S100PBP: variants seen among roughly 807,000 people sequenced by gnomAD.
The protein encoded by S100PBP is S100P binding protein, also known as S100P-binding protein.
S100PBP carries 15 observed loss-of-function variants against 39.9 expected under a neutral mutation model. The observed-to-expected ratio is 0.38, with a 90% CI of 0.25 to 0.58. The LOEUF (loss-of-function observed/expected upper bound fraction) is 0.58. Among genes scored for constraint, S100PBP ranks in the 20% least tolerant of loss-of-function variants. S100PBP has a pLI of 0.70. For synonymous variants in S100PBP, 178 were observed against 180.3 expected (o/e 0.99, Z 0.10); for missense variants, 504 against 487.3 (o/e 1.03, Z -0.32).
chr1:32,827,518 C>G lies in S100PBP; in HGVS notation c.832-475C>G, dbSNP rs144492704. ...TTTTTTCTTGAGATAGAGTCTTACT[C>G]TGTCCCTCAGGCTGCAGTGCAGTGG... On this transcript the variant is annotated intron_variant, in intron 3 of 6. Coordinates refer to ENST00000373475, the MANE Select transcript of S100PBP (RefSeq NM_022753.4). 2.6e-5 allele frequency among the ~76,000 whole-genome samples: 4 copies of G among 152,214 alleles called. No individual in the cohort carries two copies. In the East Asian group the frequency reaches 5.8e-4, roughly 22 times the overall value.
chr1:32,856,561 G>T lies in S100PBP; in HGVS notation c.*523G>T, dbSNP rs1371050382. ...AATACCTGTCAGTATTTTAAAGTTG[G>T]CAATCCAGGACATTATAAGTAGGAT... On this transcript the variant is annotated 3_prime_UTR_variant, in exon 7 of 7. Transcript: ENST00000373475. 12 of 152,768 alleles carry T rather than the reference G, an allele frequency of 7.9e-5. No individual in the cohort carries two copies. Among genetic ancestry groups the T allele is most frequent in the Non-Finnish European group, 1.8e-4 (12 of 68,202 alleles). The allele number at this position is 152,768 out of a possible 1,614,324, so 9.5% of individuals were successfully genotyped here.
chr1:32,853,842 A>G (rs547658267), intron 6 of S100PBP, among the ~76,000 whole-genome samples: 1 of 152,262 alleles, frequency 6.6e-6, no homozygotes, highest in South Asian at 2.1e-4. Context: ...GTGATGAGCA[A>G]TGATTGTGCC....
At chr1:32,834,405 C>G (rs1377443972) in intron 5 of S100PBP, among the ~76,000 whole-genome samples, 1 of 152,150 alleles carries the variant, frequency 6.6e-6, no homozygotes, top group Non-Finnish European at 1.5e-5. Flanking sequence ...GTCCCACATT[C>G]TGAATTTTGT....
chr1:32,857,425 C>G lies in S100PBP; in HGVS notation c.*1387C>G, dbSNP rs943728775. On this transcript the variant is annotated 3_prime_UTR_variant, in exon 7 of 7. Coordinates refer to ENST00000373475, the MANE Select transcript of S100PBP (RefSeq NM_022753.4). ...TCCTGGGTTCAAGGGATTCTCCTGT[C>G]TTAGCCTCCTGAGTAGCTGTGATTA... 6.6e-6 allele frequency: 1 copy of G among 152,196 alleles called. No homozygotes were observed. The highest frequency in any genetic ancestry group is 2.4e-5 in the African/African-American group (1 of 41,434). 9.4% of individuals were successfully genotyped at this position (152,196 alleles called of 1,614,324 possible).
chr1:32,819,969 T>C (rs1167761328), intron 1 of S100PBP, among the ~76,000 whole-genome samples: 3 of 152,144 alleles, frequency 2.0e-5, no homozygotes, highest in Non-Finnish European at 2.9e-5. Context: ...TCAGTGAACA[T>C]TAATTTGCAT....
chr1:32,825,737 A>G (rs1371688929), intron 2 of S100PBP, among the ~76,000 whole-genome samples: 1 of 152,224 alleles, frequency 6.6e-6, no homozygotes, highest in Non-Finnish European at 1.5e-5. Flanking sequence ...ATGTATATAT[A>G]TATGAAGTTC....
At chr1:32,820,250 G>A (rs939461390) in intron 1 of S100PBP, among the ~76,000 whole-genome samples, 1 of 148,220 alleles carries the variant, frequency 6.7e-6, no homozygotes, top group Non-Finnish European at 1.5e-5. Context: ...GGGTTCCAGC[G>A]ATTCTCCTGC....
intron 6 of S100PBP, among the ~76,000 whole-genome samples, chr1:32,854,497 G>A (rs774519190): frequency 9.9e-5 from 15 of 152,096 alleles, no homozygotes; most frequent in Admixed American, 7.9e-4. Context: ...TAAATCCATG[G>A]ATGTAGAACC....
Position 32,829,567 on chromosome 1 carries a change from A to G in S100PBP, c.921-397A>G, listed in dbSNP as rs1179643437. ...AGCCTTGAACTCGTGGACTCAAGTC[A>G]TCCTCCCTCCTCAGCCTCCTGAGTA... On this transcript the variant is annotated intron_variant, in intron 4 of 6. Coordinates refer to ENST00000373475, the MANE Select transcript of S100PBP (RefSeq NM_022753.4). 2.0e-5 allele frequency among the ~76,000 whole-genome samples: 3 copies of G among 152,150 alleles called. No homozygotes were observed. In the East Asian group the frequency reaches 5.8e-4, roughly 29 times the overall value.
In S100PBP at chr1:32,844,255, T is replaced by C. The variant is rs551203212; in HGVS notation, c.1025-8824T>C. On this transcript the variant is annotated intron_variant, in intron 5 of 6. Coordinates refer to ENST00000373475, the MANE Select transcript of S100PBP (RefSeq NM_022753.4). ...TTAGCAGAGGTGGGGTTTTGCTATA[T>C]TGGCCAGGCTGGTCTCGAATTTCTG... Among the ~76,000 whole-genome samples, 3 of 152,222 alleles carry C rather than the reference T, an allele frequency of 2.0e-5. No individual in the cohort carries two copies. The East Asian group carries it at 5.8e-4, about 29-fold the overall frequency.
chr1:32,853,148 C>T lies in S100PBP; in HGVS notation c.1094C>T (p.Pro365Leu). Residue 365 changes from proline (P) to leucine (L), a missense_variant, in exon 6 of 7, where the codon CCT becomes CTT. Pro to Leu is a moderately conservative substitution (Grantham distance 98). Coordinates refer to ENST00000373475, the MANE Select transcript of S100PBP (RefSeq NM_022753.4). Reference protein sequence around the residue: ...HHMQHSKWQHPSDLTTRNYAR... With the variant: ...HHMQHSKWQHLSDLTTRNYAR... ...ATGCAGCACTCAAAATGGCAGCATC[C>T]TTCGGACCTCACCACGCGGTGAGTG... The T allele has an allele frequency of 6.2e-7, 1 of 1,611,780 alleles. No homozygotes were observed. The highest frequency in any genetic ancestry group is 8.5e-7 in the Non-Finnish European group (1 of 1,179,234).
At chr1:32,829,326 G>T (rs182608363) in intron 4 of S100PBP, among the ~76,000 whole-genome samples, 110 of 152,180 alleles carry the variant, frequency 7.2e-4, no homozygotes, top group African/African-American at 2.5e-3. Flanking sequence ...TAACTTTTCA[G>T]TTTCACTCTA....
At chr1:32,830,687 A>C (rs775355786) in intron 5 of S100PBP, among the ~76,000 whole-genome samples, 1 of 152,228 alleles carries the variant, frequency 6.6e-6, no homozygotes, top group Non-Finnish European at 1.5e-5. Context: ...GGGGAGACTT[A>C]CGGGAAGAAC....
chr1:32,833,234 A>G (rs1054464366), intron 5 of S100PBP, among the ~76,000 whole-genome samples: 6 of 152,310 alleles, frequency 3.9e-5, no homozygotes, highest in Admixed American at 2.6e-4. Context: ...TTGCTTAGAA[A>G]ATTTTAGTTG....
chr1:32,842,395 A>G (rs939572223), intron 5 of S100PBP, among the ~76,000 whole-genome samples: 1 of 151,602 alleles, frequency 6.6e-6, no homozygotes, highest in African/African-American at 2.4e-5. Flanking sequence ...ATTTGTCTCT[A>G]GAAAAATCAG....
intron 4 of S100PBP, among the ~76,000 whole-genome samples, chr1:32,829,109 T>C (rs1005471908): frequency 6.6e-6 from 1 of 152,250 alleles, no homozygotes; most frequent in Non-Finnish European, 1.5e-5. Flanking sequence ...GAGAGAAACC[T>C]TGTGAATTGC....
At position 32,833,465 on chromosome 1, in the gene S100PBP, G is replaced by A. The variant is rs1258847777; in HGVS notation, c.1024+3398G>A. On this transcript the variant is annotated intron_variant, in intron 5 of 6. Coordinates refer to ENST00000373475, the MANE Select transcript of S100PBP (RefSeq NM_022753.4). ...CAGCCTCTCCCTCCCGGGTTCAAGC[G>A]ATTCTCTTGCCTCAGCCTCCTGAGT... Among the ~76,000 whole-genome samples, 18 of 151,342 alleles carry A rather than the reference G, an allele frequency of 1.2e-4. No individual in the cohort carries two copies. In the South Asian group the frequency reaches 1.3e-3, roughly 11 times the overall value.
intron 5 of S100PBP, chr1:32,852,832 C>T (rs1640666628): frequency 4.6e-6 from 2 of 438,720 alleles, no homozygotes; most frequent in South Asian, 2.5e-5. Flanking sequence ...AAGTAAAGTT[C>T]CCTGTATATT....
In S100PBP at chr1:32,828,065, C is replaced by A; in HGVS notation, c.904C>A (p.Leu302Ile). The A allele has an allele frequency of 6.3e-7, 1 of 1,599,066 alleles. No individual in the cohort carries two copies. The highest frequency in any genetic ancestry group is 8.6e-7 in the Non-Finnish European group (1 of 1,166,890). ...ERRLGKVIPVLQTKTRTNVPT... is the reference protein window; with the variant it reads ...ERRLGKVIPVIQTKTRTNVPT... ...AAGACTAGGCAAAGTCATTCCTGTT[C>A]TACAAACTAAGACCAGGTAATGTAA... The change falls in exon 4 of 7, where the codon CTA becomes ATA. Residue 302 changes from leucine to isoleucine, a missense_variant. Leu to Ile is a conservative substitution (Grantham distance 5, BLOSUM62 2). Transcript: ENST00000373475.
Sources: allele counts gnomAD v4.1 joint callset (sites outside exome capture counted in the v4.1 genomes callset), GRCh38; gene constraint gnomAD v4.1.1; transcripts MANE v1.5; gene names NCBI Gene and HGNC (gene_info 2026-07-23, HGNC 2026-07-21).